Variants in HDAC9 observed in about 807,000 individuals in gnomAD.
HDAC9 encodes histone deacetylase 9, also known as MEF-2 interacting transcription repressor (MITR) protein.
In HDAC9, 41 loss-of-function variants were observed where a neutral mutation model predicts 139.4. The observed-to-expected ratio is 0.29, with a 90% confidence interval of 0.23 to 0.38. The LOEUF (loss-of-function observed/expected upper bound fraction) is 0.38. HDAC9 is among the 10% of genes least tolerant of loss of function. HDAC9 has a pLI of 1.00. For missense variants in HDAC9, 1,147 were observed against 1,297.0 expected (o/e 0.88, Z 1.78); for synonymous variants, 517 against 476.2 (o/e 1.09, Z -1.12).
intron 2 of HDAC9, among the ~76,000 whole-genome samples, chr7:18,239,994 G>A (rs1794085969): frequency 7.7e-6 from 1 of 130,402 alleles, no homozygotes; most frequent in African/African-American, 2.9e-5. Context: ...CCTGGACTTT[G>A]TCCAGGACAG....
chr7:18,727,495 A>G, intron 12 of HDAC9, 85 bp from the exon 13 acceptor site: 3 of 1,138,972 alleles, frequency 2.6e-6, no homozygotes, highest in Non-Finnish European at 3.7e-6. Flanking sequence ...TGACCTGATG[A>G]ACTTAATTTG....
intron 1 of HDAC9, among the ~76,000 whole-genome samples, chr7:18,160,777 T>C (rs1437474320): frequency 6.6e-6 from 1 of 152,022 alleles, no homozygotes; most frequent in Non-Finnish European, 1.5e-5. Flanking sequence ...CCACCATGCC[T>C]GGCTAATTTT....
intron 1 of HDAC9, among the ~76,000 whole-genome samples, chr7:18,144,415 C>G (rs1786143246): frequency 6.6e-6 from 1 of 152,158 alleles, no homozygotes; most frequent in Admixed American, 6.5e-5. Flanking sequence ...ACCCTGTCAT[C>G]TTTTGGCCCT....
chr7:18,741,753 C>T (rs1323453873), intron 13 of HDAC9, among the ~76,000 whole-genome samples: 2 of 152,136 alleles, frequency 1.3e-5, no homozygotes, highest in South Asian at 2.1e-4. Flanking sequence ...GGAAAGGATT[C>T]ACCATTCTAG....
intron 21 of HDAC9, among the ~76,000 whole-genome samples, chr7:18,859,845 T>C (rs1038848717): frequency 7.6e-6 from 1 of 132,174 alleles, no homozygotes; most frequent in Middle Eastern, 3.9e-3. Context: ...TATATATATA[T>C]ATATATATAT....
intron 12 of HDAC9, among the ~76,000 whole-genome samples, chr7:18,697,905 A>C (rs1004363861): frequency 2.0e-5 from 3 of 152,094 alleles, no homozygotes; most frequent in Admixed American, 6.5e-5. Context: ...TCAGTACTAA[A>C]GCCTTGACTT....
intron 2 of HDAC9, among the ~76,000 whole-genome samples, chr7:18,218,994 A>G (rs1792503486): frequency 6.6e-6 from 1 of 152,184 alleles, no homozygotes; most frequent in Non-Finnish European, 1.5e-5. Flanking sequence ...ATTCTGCAGA[A>G]ATTTGTACCC....
chr7:18,829,595 G>T (rs1354572534), intron 19 of HDAC9, 47 bp downstream of exon 19: 1 of 1,195,190 alleles, frequency 8.4e-7, no homozygotes, highest in Non-Finnish European at 1.2e-6. Context: ...TCTAGATAAA[G>T]GGGAGTGGAT....
chr7:18,876,533 A>G (rs551264617), intron 22 of HDAC9, among the ~76,000 whole-genome samples: 1 of 152,184 alleles, frequency 6.6e-6, no homozygotes, highest in South Asian at 2.1e-4. Context: ...TGTAGTTGAA[A>G]CTCTTCACAT....
At chr7:18,316,865 A>C (rs2128631228) in intron 1 of HDAC9, among the ~76,000 whole-genome samples, 1 of 151,426 alleles carries the variant, frequency 6.6e-6, no homozygotes, top group East Asian at 2.0e-4. Flanking sequence ...AGGCCGAGGC[A>C]GGCAGATCAC....
At chr7:18,825,067 C>A (rs1422236225) in intron 17 of HDAC9, among the ~76,000 whole-genome samples, 1 of 152,078 alleles carries the variant, frequency 6.6e-6, no homozygotes, top group Non-Finnish European at 1.5e-5. Flanking sequence ...TGGCAGAAGG[C>A]CAGAAGTTTG....
chr7:18,857,335 T>TTGTGTGTGTGTGTGTGTGTGTGTGTGTG (rs375575248), intron 21 of HDAC9, among the ~76,000 whole-genome samples: 21 of 140,972 alleles, frequency 1.5e-4, no homozygotes, highest in African/African-American at 5.1e-4. Context: ...TATGTTTTAG[T>TTGTGTGTGTGTGTGTGTGTGTGTGTGTG]TGTGTGTGTG....
At chr7:18,631,073 G>A (rs1782174073) in intron 7 of HDAC9, among the ~76,000 whole-genome samples, 1 of 151,976 alleles carries the variant, frequency 6.6e-6, no homozygotes, top group South Asian at 2.1e-4. Context: ...CTTGATCATA[G>A]CTTTTTCTAC....
intron 16 of HDAC9, among the ~76,000 whole-genome samples, chr7:18,776,443 A>T (rs949966657): frequency 6.6e-6 from 1 of 152,134 alleles, no homozygotes; most frequent in Non-Finnish European, 1.5e-5. Context: ...TAATTTATTT[A>T]TACAGCAAAT....
At chr7:18,771,025 C>A (rs1208685834) in intron 16 of HDAC9, among the ~76,000 whole-genome samples, 2 of 152,070 alleles carry the variant, frequency 1.3e-5, no homozygotes, top group Non-Finnish European at 2.9e-5. Context: ...GAAAAATAAA[C>A]GTGGTCAATG....
chr7:18,985,121 G>C (rs1466496313), intron 25 of HDAC9, among the ~76,000 whole-genome samples: 2 of 151,824 alleles, frequency 1.3e-5, no homozygotes, highest in Non-Finnish European at 2.9e-5. Flanking sequence ...TGTGCACAAT[G>C]TGCAGGTTAG....
intron 1 of HDAC9, among the ~76,000 whole-genome samples, chr7:18,470,326 AG>A (rs1219363069): frequency 6.6e-6 from 1 of 152,084 alleles, no homozygotes; most frequent in Non-Finnish European, 1.5e-5. Flanking sequence ...AAAAAAAAAA[AG>A]AAGCCAAACC....
At chr7:18,892,196 T>A (rs1800744183) in intron 22 of HDAC9, 1 of 152,184 alleles carries the variant, frequency 6.6e-6, no homozygotes, top group South Asian at 2.1e-4. Context: ...ATGTCTTCAG[T>A]CGTCATCTGG....
At chr7:18,666,937 A>G (rs1428300590) in intron 12 of HDAC9, 32 of 996,062 alleles carry the variant, frequency 3.2e-5, no homozygotes, top group Non-Finnish European at 3.7e-5. Flanking sequence ...TTTAATTTTC[A>G]CATCACTGTA....
Sources: gnomAD v4.1 joint callset for allele counts (sites outside exome capture counted in the v4.1 genomes callset) on GRCh38, gnomAD v4.1.1 for gene constraint, MANE v1.5 for transcripts, NCBI Gene and HGNC (gene_info 2026-07-23, HGNC 2026-07-21) for gene names.